Variants in ASS1 observed in about 807,000 individuals in gnomAD.
ASS1 encodes argininosuccinate synthase.
A neutral mutation model predicts 60.5 loss-of-function variants in ASS1; 58 were observed. The observed-to-expected ratio is 0.96, with a 90% confidence interval of 0.78 to 1.19. The LOEUF is 1.19. Ranked by LOEUF, ASS1 falls within the 50% of genes most tolerant of loss-of-function variation. The pLI, the probability that ASS1 is intolerant of heterozygous loss-of-function variation, is 0.00. For synonymous variants in ASS1, 200 were observed against 206.9 expected, an observed-to-expected ratio of 0.97 and a Z score of 0.29; for missense variants, 454 against 547.3, an observed-to-expected ratio of 0.83 and a Z score of 1.70.
intron 11 of ASS1, among the ~76,000 whole-genome samples, chr9:130,484,836 C>T (rs542811056): frequency 3.4e-4 from 52 of 152,214 alleles, no homozygotes; most frequent in African/African-American, 1.1e-3. Flanking sequence ...CACACGTGCG[C>T]GCGCGCGCGT....
intron 4 of ASS1, among the ~76,000 whole-genome samples, chr9:130,461,979 C>T (rs1231153143): frequency 6.6e-6 from 1 of 152,092 alleles, no homozygotes; most frequent in Non-Finnish European, 1.5e-5. Context: ...CCGCCTGAGC[C>T]CAGCCCTGAA....
chr9:130,446,560 C>T lies in ASS1; in HGVS notation c.-6+1565C>T, dbSNP rs1357282526. The stretch of plus-strand genomic sequence containing the variant: ...GACTCCTGCCTGCTGAGCGCCTGGC[C>T]GGTGCGGGGGCAGACACGTCGTGAG... On this transcript the variant is annotated intron_variant, in intron 1 of 14. Transcript: ENST00000352480. 6.6e-5 allele frequency among the ~76,000 whole-genome samples: 10 copies of T among 152,318 alleles called. No individual in the cohort carries two copies. The South Asian group carries it at 8.3e-4, about 13-fold the overall frequency.
chr9:130,454,603 A>T (rs994498583), intron 3 of ASS1, among the ~76,000 whole-genome samples: 1 of 151,676 alleles, frequency 6.6e-6, no homozygotes, highest in African/African-American at 2.4e-5. Context: ...TTCCCCACCC[A>T]CATACCTTCC....
chr9:130,464,311 CTGGGG>C, intron 5 of ASS1, 144 bp downstream of exon 5: 1 of 995,510 alleles, frequency 1.0e-6, no homozygotes, highest in Non-Finnish European at 1.6e-6. Context: ...GGACAGCCTG[CTGGGG>C]AGGCTCCCTT....
chr9:130,476,824 C>G lies in ASS1; in HGVS notation c.598-47C>G. ...CCGCGGGAGGTGGGCTGTAGGGTGT[C>G]CAGGGACTGGTATGTCATCTGCCCA... On this transcript the variant is annotated intron_variant, in intron 8 of 14. Transcript: ENST00000352480. This position sits in a 1 kb window ranked among gnomAD's most constrained non-coding sequence, Gnocchi z 4.9. 6.5e-7 allele frequency: 1 copy of G among 1,547,046 alleles called. No homozygotes were observed. Among genetic ancestry groups the G allele is most frequent in the Non-Finnish European group, 8.9e-7 (1 of 1,120,150 alleles).
chr9:130,451,485 G>C (rs1350314911), intron 1 of ASS1: 6 of 286,120 alleles, frequency 2.1e-5, no homozygotes, highest in Non-Finnish European at 4.1e-5. Context: ...ATTCAGAGGC[G>C]CTCACATTTG....
In ASS1 at chr9:130,447,554, G is replaced by A. The variant is rs545101576; in HGVS notation, c.-6+2559G>A. 1.2e-4 allele frequency among the ~76,000 whole-genome samples: 18 copies of A among 152,356 alleles called. No homozygotes were observed. In the South Asian group the frequency reaches 2.5e-3, roughly 21 times the overall value. Reference sequence around the variant, plus strand: ...AGCCAGGTGGCTCTGGTACCTTGACGCGAGGCCACCTTCCCTCCTCCCAGG... The same window carrying A: ...AGCCAGGTGGCTCTGGTACCTTGACACGAGGCCACCTTCCCTCCTCCCAGG... On this transcript the variant is annotated intron_variant, in intron 1 of 14. Transcript: ENST00000352480.
intron 3 of ASS1, 119 bp from the exon 4 acceptor site, chr9:130,458,282 A>G: frequency 8.1e-6 from 9 of 1,109,808 alleles, no homozygotes; most frequent in Non-Finnish European, 1.2e-5. Context: ...AAGAAGAAGC[A>G]CCAGGTACAG....
intron 1 of ASS1, among the ~76,000 whole-genome samples, chr9:130,450,686 C>T (rs140864868): frequency 1.2e-3 from 186 of 152,358 alleles, no homozygotes; most frequent in African/African-American, 3.4e-3. Context: ...CCTGGCTACA[C>T]GGCCAGGCTC....
intron 11 of ASS1, among the ~76,000 whole-genome samples, chr9:130,483,714 C>T (rs1159209312): frequency 6.7e-6 from 1 of 148,322 alleles, no homozygotes; most frequent in Non-Finnish European, 1.5e-5. Context: ...CAGCCCTGCC[C>T]GTCTCACCTC....
At chr9:130,446,807 C>T (rs1163747934) in intron 1 of ASS1, among the ~76,000 whole-genome samples, 1 of 152,212 alleles carries the variant, frequency 6.6e-6, no homozygotes, top group Non-Finnish European at 1.5e-5. Context: ...TCCCTGAAGT[C>T]AGTGGCTTGC....
At chr9:130,480,301 GC>G in intron 10 of ASS1, 83 bp from the exon 11 acceptor site, 1 of 1,468,802 alleles carries the variant, frequency 6.8e-7, no homozygotes, top group Non-Finnish European at 9.5e-7. Context: ...CCTAAGCTGT[GC>G]CCACCCTGGG....
At chr9:130,453,600 C>T (rs1845374174) in intron 2 of ASS1, among the ~76,000 whole-genome samples, 1 of 152,204 alleles carries the variant, frequency 6.6e-6, no homozygotes, top group Non-Finnish European at 1.5e-5. Flanking sequence ...GACCCCTGGG[C>T]TACCACCTGG....
chr9:130,499,409 C>A, intron 13 of ASS1, 96 bp from the exon 14 acceptor site: 2 of 1,281,062 alleles, frequency 1.6e-6, no homozygotes, highest in Non-Finnish European at 2.2e-6. Flanking sequence ...AATGCCCTGG[C>A]ATCTGGGAGG....
At chr9:130,471,113 A>G (rs1845856955) in intron 7 of ASS1, among the ~76,000 whole-genome samples, 1 of 152,146 alleles carries the variant, frequency 6.6e-6, no homozygotes, top group South Asian at 2.1e-4. Flanking sequence ...GAGATAGATC[A>G]TGGGGACCCG....
intron 4 of ASS1, among the ~76,000 whole-genome samples, chr9:130,463,103 T>C (rs1845643016): frequency 1.3e-5 from 2 of 152,240 alleles, no homozygotes; most frequent in African/African-American, 4.8e-5. Flanking sequence ...GAACCCTGGA[T>C]TCTGTGCCAC....
At chr9:130,452,080 A>G in intron 1 of ASS1, 144 bp from the exon 2 acceptor site, 1 of 745,844 alleles carries the variant, frequency 1.3e-6, no homozygotes, top group Non-Finnish European at 2.4e-6. Flanking sequence ...CTGAAGGTGA[A>G]CATCCTGTTC....
intron 5 of ASS1, among the ~76,000 whole-genome samples, chr9:130,465,034 T>TTATATATATATA (rs200387339): frequency 1.4e-5 from 2 of 139,296 alleles, no homozygotes; most frequent in African/African-American, 5.3e-5. Context: ...TACATATGTT[T>TTATATATATATA]TATATATATA....
At chr9:130,452,967 C>T (rs963299751) in intron 2 of ASS1, among the ~76,000 whole-genome samples, 11 of 152,184 alleles carry the variant, frequency 7.2e-5, no homozygotes, top group South Asian at 2.1e-4. Flanking sequence ...AACCAACTTA[C>T]GCAAAAAGGA....
Sources: allele counts gnomAD v4.1 joint callset (sites outside exome capture counted in the v4.1 genomes callset), GRCh38; gene constraint gnomAD v4.1.1; non-coding constraint Gnocchi (gnomAD v3.1); transcripts MANE v1.5; gene names NCBI Gene and HGNC (gene_info 2026-07-23, HGNC 2026-07-21).